NRXN1: variants seen among roughly 807,000 people sequenced by gnomAD.
The protein encoded by NRXN1 is neurexin-1.
In NRXN1, 39 loss-of-function variants were observed where a neutral mutation model predicts 150.9. That is an observed-to-expected ratio of 0.26 (90% CI 0.20 to 0.34). NRXN1 has a LOEUF of 0.34. Ranked by LOEUF, NRXN1 falls within the 10% of genes least tolerant of loss-of-function variation. The probability of loss-of-function intolerance (pLI) is 1.00; values close to 1 mark genes in which losing one functional copy is unlikely to be tolerated. For missense variants in NRXN1, 1,815 were observed against 1,949.9 expected (o/e 0.93, Z 1.30); for synonymous variants, 924 against 757.0 (o/e 1.22, Z -3.62).
At chr2:50,750,528 A>G (rs1264339372) in intron 5 of NRXN1, among the ~76,000 whole-genome samples, 2 of 152,066 alleles carry the variant, frequency 1.3e-5, no homozygotes, top group African/African-American at 4.8e-5. Flanking sequence ...CCAACATGAC[A>G]CATGTATACA....
At chr2:50,980,874 T>C (rs1028946501) in intron 2 of NRXN1, among the ~76,000 whole-genome samples, 1 of 152,108 alleles carries the variant, frequency 6.6e-6, no homozygotes, top group Non-Finnish European at 1.5e-5. Context: ...AGATTATCTA[T>C]GGTAGAATAA....
intron 17 of NRXN1, among the ~76,000 whole-genome samples, chr2:50,456,683 G>C (rs186602388): frequency 1.3e-5 from 2 of 151,960 alleles, no homozygotes; most frequent in Non-Finnish European, 2.9e-5. Flanking sequence ...GACTCTACAT[G>C]TTTCCCCAGG....
At chr2:50,495,754 G>T in intron 15 of NRXN1, 151 bp downstream of exon 15, 1 of 544,482 alleles carries the variant, frequency 1.8e-6, no homozygotes, top group Non-Finnish European at 3.0e-6. Flanking sequence ...GGGAGCAGAG[G>T]CTTGTGTGTT....
chr2:50,237,917 G>C (rs2065623283), intron 17 of NRXN1, among the ~76,000 whole-genome samples: 1 of 152,040 alleles, frequency 6.6e-6, no homozygotes, highest in Middle Eastern at 3.4e-3. Flanking sequence ...ATGATAGTGA[G>C]TTCTAACAAG....
At chr2:50,595,183 G>C (rs1318596624) in intron 8 of NRXN1, among the ~76,000 whole-genome samples, 1 of 152,044 alleles carries the variant, frequency 6.6e-6, no homozygotes, top group Non-Finnish European at 1.5e-5. Context: ...TGAGACCTCA[G>C]TGTGCTGAGT....
At chr2:50,683,325 G>C (rs1690687297) in intron 5 of NRXN1, among the ~76,000 whole-genome samples, 1 of 151,718 alleles carries the variant, frequency 6.6e-6, no homozygotes, top group Non-Finnish European at 1.5e-5. Context: ...CTTAATAAGG[G>C]AGAAGGATTT....
intron 15 of NRXN1, among the ~76,000 whole-genome samples, chr2:50,492,080 A>G (rs2091285823): frequency 6.6e-6 from 1 of 152,198 alleles, no homozygotes; most frequent in African/African-American, 2.4e-5. Flanking sequence ...CAGGAACAAG[A>G]GAAGGAACAC....
At chr2:51,012,786 G>A (rs942866424) in intron 2 of NRXN1, among the ~76,000 whole-genome samples, 7 of 151,944 alleles carry the variant, frequency 4.6e-5, no homozygotes, top group African/African-American at 1.4e-4. Context: ...TGGCTTTCCT[G>A]GGAAACCAAA....
At chr2:50,511,056 CTT>C (rs70948716) in intron 12 of NRXN1, among the ~76,000 whole-genome samples, 4 of 147,080 alleles carry the variant, frequency 2.7e-5, no homozygotes, top group Admixed American at 1.3e-4. Flanking sequence ...GTCTAACAAG[CTT>C]TTTTTTTTTT....
intron 8 of NRXN1, among the ~76,000 whole-genome samples, chr2:50,569,546 G>T (rs1423409127): frequency 6.6e-6 from 1 of 152,056 alleles, no homozygotes; most frequent in African/African-American, 2.4e-5. Context: ...ATATGTATGT[G>T]TGTATAATAC....
chr2:50,804,848 T>G (rs1559287475), intron 5 of NRXN1, among the ~76,000 whole-genome samples: 1 of 152,216 alleles, frequency 6.6e-6, no homozygotes, highest in African/African-American at 2.4e-5. Context: ...TCTTCCCTTC[T>G]CCCAATATAC....
intron 5 of NRXN1, among the ~76,000 whole-genome samples, chr2:50,805,466 C>A (rs1395810593): frequency 6.6e-6 from 1 of 152,042 alleles, no homozygotes; most frequent in Admixed American, 6.6e-5. Context: ...ACCAGCCTGG[C>A]CGACATGGCA....
chr2:50,647,023 A>T (rs1684914843), intron 5 of NRXN1, among the ~76,000 whole-genome samples: 2 of 146,606 alleles, frequency 1.4e-5, no homozygotes, highest in Admixed American at 1.4e-4. Context: ...TGAGAGGGCA[A>T]TTTTTTTTTT....
chr2:50,299,001 A>G (rs1476667342), intron 17 of NRXN1, among the ~76,000 whole-genome samples: 4 of 152,196 alleles, frequency 2.6e-5, no homozygotes, highest in African/African-American at 7.2e-5. Context: ...AGATATTGGC[A>G]TAATGCAGGA....
At chr2:50,716,943 T>G (rs556588680) in intron 5 of NRXN1, among the ~76,000 whole-genome samples, 10 of 152,330 alleles carry the variant, frequency 6.6e-5, no homozygotes, top group African/African-American at 2.2e-4. Context: ...TTATTCATTA[T>G]GGCTAAATAC....
intron 5 of NRXN1, among the ~76,000 whole-genome samples, chr2:50,905,017 G>A (rs1683474285): frequency 1.3e-5 from 2 of 151,728 alleles, no homozygotes; most frequent in African/African-American, 4.8e-5. Flanking sequence ...TTTGTGATTT[G>A]TCCCACTGAA....
At chr2:50,663,723 T>C (rs906297664) in intron 5 of NRXN1, among the ~76,000 whole-genome samples, 1 of 152,054 alleles carries the variant, frequency 6.6e-6, no homozygotes, top group East Asian at 1.9e-4. Flanking sequence ...CAAATGCATA[T>C]GCATAATTCA....
chr2:50,307,344 C>T (rs2074719924), intron 17 of NRXN1, among the ~76,000 whole-genome samples: 1 of 152,052 alleles, frequency 6.6e-6, no homozygotes, highest in Admixed American at 6.6e-5. Context: ...AGAGACATGT[C>T]AAATTAGGAA....
chr2:50,801,849 C>T (rs1707641422), intron 5 of NRXN1, among the ~76,000 whole-genome samples: 1 of 152,118 alleles, frequency 6.6e-6, no homozygotes, highest in Non-Finnish European at 1.5e-5. Flanking sequence ...GAATTTTCTT[C>T]TATCAAGTTT....
Sources: allele counts gnomAD v4.1 joint callset (sites outside exome capture counted in the v4.1 genomes callset), GRCh38; gene constraint gnomAD v4.1.1; transcripts MANE v1.5; gene names NCBI Gene and HGNC (gene_info 2026-07-23, HGNC 2026-07-21).